MPPED2: variants seen among roughly 807,000 people sequenced by gnomAD.
MPPED2 encodes metallophosphoesterase MPPED2.
In MPPED2, 5 loss-of-function variants were observed where a neutral mutation model predicts 33.0. That is an observed-to-expected ratio of 0.15 (90% CI 0.08 to 0.32). MPPED2 has a LOEUF of 0.32. Among genes scored for constraint, MPPED2 ranks in the 10% least tolerant of loss-of-function variants. The pLI is 1.00. For synonymous variants in MPPED2, 136 were observed against 141.9 expected (o/e 0.96, Z 0.29); for missense variants, 275 against 372.1 (o/e 0.74, Z 2.15).
At chr11:30,408,503 G>T (rs904442134), downstream of MPPED2, among the ~76,000 whole-genome samples, 2 of 152,080 alleles carry the variant, frequency 1.3e-5, no homozygotes, top group African/African-American at 4.8e-5. Flanking sequence ...GTAGAGACGG[G>T]GTTTCACCAT....
At chr11:30,469,787 T>A (rs1162718692) in intron 4 of MPPED2, among the ~76,000 whole-genome samples, 1 of 152,188 alleles carries the variant, frequency 6.6e-6, no homozygotes, top group Non-Finnish European at 1.5e-5. Flanking sequence ...CCCCATTGAT[T>A]AGCAGGCAAA....
At chr11:30,494,338 G>A (rs1952130173) in intron 4 of MPPED2, among the ~76,000 whole-genome samples, 1 of 152,100 alleles carries the variant, frequency 6.6e-6, no homozygotes, top group African/African-American at 2.4e-5. Flanking sequence ...AAATCCTTCT[G>A]TGTCACACAG....
intron 3 of MPPED2, among the ~76,000 whole-genome samples, chr11:30,525,051 A>G (rs566945732): frequency 1.6e-4 from 25 of 152,326 alleles, no homozygotes; most frequent in African/African-American, 5.5e-4. Flanking sequence ...TCAGAAGGAA[A>G]GACAAAGCCC....
chr11:30,438,180 A>T (rs923628952), intron 4 of MPPED2, among the ~76,000 whole-genome samples: 1 of 152,022 alleles, frequency 6.6e-6, no homozygotes, highest in Non-Finnish European at 1.5e-5. Context: ...CCAAGAAATG[A>T]CTCTTTTTCT....
chr11:30,389,071 C>T, intron 6 of MPPED2: 1 of 1,370,056 alleles, frequency 7.3e-7, no homozygotes, highest in Non-Finnish European at 9.5e-7. Flanking sequence ...TCATAAACAA[C>T]CCCTCAGCAC....
chr11:30,523,776 CAG>C (rs1390885680), intron 3 of MPPED2, among the ~76,000 whole-genome samples: 1 of 151,790 alleles, frequency 6.6e-6, no homozygotes, highest in Non-Finnish European at 1.5e-5. Context: ...TACAGGCATG[CAG>C]AGCTAGCATT....
intron 3 of MPPED2, among the ~76,000 whole-genome samples, chr11:30,497,506 G>C (rs913330266): frequency 6.6e-6 from 1 of 152,176 alleles, no homozygotes; most frequent in Non-Finnish European, 1.5e-5. Context: ...TCACACTGTA[G>C]TTGCCCAGTT....
intron 3 of MPPED2, among the ~76,000 whole-genome samples, chr11:30,516,588 A>T (rs1953545652): frequency 6.6e-6 from 1 of 152,188 alleles, no homozygotes; most frequent in Admixed American, 6.5e-5. Flanking sequence ...AATTCTAAGA[A>T]CATTTATTAA....
At position 30,580,507 on chromosome 11, in the gene MPPED2, A is replaced by G; in HGVS notation, c.-121-13T>C. The G allele has an allele frequency of 4.2e-6, 6 of 1,426,358 alleles. No individual in the cohort carries two copies. In the South Asian group the frequency reaches 9.9e-5, roughly 24 times the overall value. 88.4% of individuals were successfully genotyped at this position (1,426,358 alleles called of 1,614,324 possible). On this transcript the variant is annotated splice_polypyrimidine_tract_variant and intron_variant, in intron 1 of 6. Transcript: ENST00000358117. ...CCGCTGTGCATTTCTGAAAGAAAAAAAAAATGTATATAAAATGAGAACAAA... is the reference window on the plus strand; with the variant it reads ...CCGCTGTGCATTTCTGAAAGAAAAAGAAAATGTATATAAAATGAGAACAAA...
At chr11:30,554,641 C>G (rs1191030287) in intron 2 of MPPED2, among the ~76,000 whole-genome samples, 1 of 152,034 alleles carries the variant, frequency 6.6e-6, no homozygotes. Context: ...ATTACAGGGG[C>G]CTGCCACGAC....
chr11:30,553,834 G>A (rs1955835986), intron 2 of MPPED2, among the ~76,000 whole-genome samples: 2 of 152,138 alleles, frequency 1.3e-5, no homozygotes, highest in South Asian at 4.1e-4. Flanking sequence ...TGTAAGGATT[G>A]CAGAATTATT....
chr11:30,513,925 A>C (rs911259948), intron 3 of MPPED2, among the ~76,000 whole-genome samples: 1 of 152,196 alleles, frequency 6.6e-6, no homozygotes, highest in Non-Finnish European at 1.5e-5. Context: ...GCCAAGCCTC[A>C]CTACAGTGCT....
At chr11:30,579,568 G>C (rs945368909) in intron 2 of MPPED2, among the ~76,000 whole-genome samples, 1 of 152,128 alleles carries the variant, frequency 6.6e-6, no homozygotes, top group Non-Finnish European at 1.5e-5. Context: ...CTGGGTTTCT[G>C]CCACACTTTG....
intron 4 of MPPED2, among the ~76,000 whole-genome samples, chr11:30,462,699 C>T (rs1424646362): frequency 3.9e-5 from 6 of 152,164 alleles, no homozygotes; most frequent in African/African-American, 7.2e-5. Flanking sequence ...ATGTTCCATT[C>T]CCATCCCCTC....
At chr11:30,424,351 T>C (rs1359818304) in intron 4 of MPPED2, among the ~76,000 whole-genome samples, 1 of 152,150 alleles carries the variant, frequency 6.6e-6, no homozygotes, top group African/African-American at 2.4e-5. Context: ...ACGCTTTCTT[T>C]TCTAAATGGT....
At chr11:30,539,285 C>T (rs1199913242) in intron 2 of MPPED2, among the ~76,000 whole-genome samples, 1 of 152,286 alleles carries the variant, frequency 6.6e-6, no homozygotes, top group African/African-American at 2.4e-5. Context: ...TTACCACTTA[C>T]TGTTTATGCT....
chr11:30,548,722 T>C (rs1955561577), intron 2 of MPPED2, among the ~76,000 whole-genome samples: 1 of 152,176 alleles, frequency 6.6e-6, no homozygotes, highest in Non-Finnish European at 1.5e-5. Flanking sequence ...AGTAATGTCA[T>C]TAGACATAAA....
At chr11:30,583,375 G>T (rs1411774749) in intron 1 of MPPED2, among the ~76,000 whole-genome samples, 1 of 151,850 alleles carries the variant, frequency 6.6e-6, no homozygotes, top group Non-Finnish European at 1.5e-5. Context: ...AATATTTAAA[G>T]ACAGCACTAT....
At chr11:30,532,835 G>C (rs1204121161) in intron 3 of MPPED2, among the ~76,000 whole-genome samples, 1 of 152,174 alleles carries the variant, frequency 6.6e-6, no homozygotes, top group African/African-American at 2.4e-5. Context: ...GACTTTGCCT[G>C]TTACTCCTAC....
Sources: allele counts gnomAD v4.1 joint callset (sites outside exome capture counted in the v4.1 genomes callset), GRCh38; gene constraint gnomAD v4.1.1; transcripts MANE v1.5; gene names NCBI Gene and HGNC (gene_info 2026-07-23, HGNC 2026-07-21).